TMTC2: variants seen among roughly 807,000 people sequenced by gnomAD.
TMTC2 encodes protein O-mannosyl-transferase TMTC2.
Under a neutral mutation model 82.4 loss-of-function variants are expected in TMTC2, and 43 were observed. The ratio of observed to expected loss-of-function variants is 0.52; its 90% CI spans 0.41 to 0.67. The LOEUF is 0.67. Among genes scored for constraint, TMTC2 ranks in the 30% least tolerant of loss-of-function variants. The pLI is 0.00. For missense variants in TMTC2, 919 were observed against 1,012.4 expected (o/e 0.91, Z 1.25); for synonymous variants, 408 against 381.9 (o/e 1.07, Z -0.80).
At chr12:82,735,516 T>G (rs1291860018) in intron 1 of TMTC2, among the ~76,000 whole-genome samples, 1 of 151,998 alleles carries the variant, frequency 6.6e-6, no homozygotes, top group African/African-American at 2.4e-5. Context: ...CGGCTAATTT[T>G]TTGTATTTTT....
Position 82,772,787 on chromosome 12 carries a change from A to AT in TMTC2, c.84-84219dup, listed in dbSNP as rs568343595. ...GCTACTTTCCCAAGAAAATTCTGTA[A>AT]TTTTACACCTATTTAAATTCTACGT... On this transcript the variant is annotated intron_variant, in intron 1 of 11. Transcript: ENST00000321196. 5.2e-3 allele frequency among the ~76,000 whole-genome samples: 794 copies of AT among 152,234 alleles called. 5 individuals are homozygous for AT. The highest frequency in any genetic ancestry group is 8.4e-3 in the Non-Finnish European group (569 of 68,006).
At chr12:83,009,468 C>G (rs953541256) in intron 8 of TMTC2, among the ~76,000 whole-genome samples, 1 of 152,112 alleles carries the variant, frequency 6.6e-6, no homozygotes, top group African/African-American at 2.4e-5. Flanking sequence ...AAGCAGGTCT[C>G]CACTATGATT....
At chr12:83,030,392 C>T (rs1011969514) in intron 8 of TMTC2, among the ~76,000 whole-genome samples, 2 of 151,728 alleles carry the variant, frequency 1.3e-5, no homozygotes, top group Admixed American at 1.3e-4. Context: ...TTTAAAATGG[C>T]CACAGTTCTT....
chr12:82,940,694 C>A (rs2137261735), intron 4 of TMTC2, among the ~76,000 whole-genome samples: 1 of 151,828 alleles, frequency 6.6e-6, no homozygotes, highest in South Asian at 2.1e-4. Flanking sequence ...CTTCTGACCT[C>A]TTTCCACCCC....
At chr12:83,067,610 T>C (rs572518035) in intron 11 of TMTC2, among the ~76,000 whole-genome samples, 9 of 152,036 alleles carry the variant, frequency 5.9e-5, no homozygotes, top group Admixed American at 1.3e-4. Flanking sequence ...TTTGGTTATC[T>C]GCTAATCCTG....
intron 11 of TMTC2, among the ~76,000 whole-genome samples, chr12:83,131,035 C>T (rs1189723864): frequency 6.6e-6 from 1 of 152,166 alleles, no homozygotes; most frequent in Non-Finnish European, 1.5e-5. Context: ...CACATGAATT[C>T]AGCTGAAAAG....
At chr12:83,004,884 G>C (rs1880100416) in intron 8 of TMTC2, among the ~76,000 whole-genome samples, 1 of 151,202 alleles carries the variant, frequency 6.6e-6, no homozygotes, top group Admixed American at 6.6e-5. Context: ...CAGCACTTTG[G>C]GAGGCCAAGG....
At chr12:82,799,879 A>G (rs1313751928) in intron 1 of TMTC2, among the ~76,000 whole-genome samples, 4 of 152,120 alleles carry the variant, frequency 2.6e-5, no homozygotes, top group African/African-American at 9.7e-5. Flanking sequence ...TTCATGGCAA[A>G]GCTTTCACCA....
intron 1 of TMTC2, among the ~76,000 whole-genome samples, chr12:82,710,992 A>T (rs964965180): frequency 2.0e-5 from 3 of 152,180 alleles, no homozygotes; most frequent in Admixed American, 6.5e-5. Context: ...GACAGATATT[A>T]TGTATTTTGG....
At chr12:82,765,693 A>G (rs1449093107) in intron 1 of TMTC2, among the ~76,000 whole-genome samples, 1 of 143,728 alleles carries the variant, frequency 7.0e-6, no homozygotes, top group Non-Finnish European at 1.5e-5. Flanking sequence ...AAAACAAAAC[A>G]AAACAAAACA....
intron 4 of TMTC2, among the ~76,000 whole-genome samples, chr12:82,933,740 G>T (rs1876167632): frequency 1.3e-5 from 2 of 152,088 alleles, no homozygotes; most frequent in Non-Finnish European, 2.9e-5. Context: ...CTTCTGTTAG[G>T]CCCTCAACAT....
intron 3 of TMTC2, among the ~76,000 whole-genome samples, chr12:82,918,525 T>A (rs971042875): frequency 6.6e-6 from 1 of 152,154 alleles, no homozygotes; most frequent in Admixed American, 6.5e-5. Flanking sequence ...AAATGAATTA[T>A]AGCTGAAGCA....
At chr12:82,981,691 C>T (rs1878925983) in intron 7 of TMTC2, among the ~76,000 whole-genome samples, 1 of 151,786 alleles carries the variant, frequency 6.6e-6, no homozygotes, top group East Asian at 1.9e-4. Flanking sequence ...ATTACGGTAC[C>T]AGAGAATATG....
intron 1 of TMTC2, among the ~76,000 whole-genome samples, chr12:82,829,044 A>G (rs1229792513): frequency 2.6e-5 from 4 of 152,220 alleles, no homozygotes; most frequent in African/African-American, 9.6e-5. Flanking sequence ...GCAGACTGAA[A>G]TAACTAATGA....
chr12:82,787,522 A>T (rs1212527078), intron 1 of TMTC2, among the ~76,000 whole-genome samples: 1 of 152,174 alleles, frequency 6.6e-6, no homozygotes, highest in African/African-American at 2.4e-5. Flanking sequence ...ATCTTTATCC[A>T]TTAAAATTAT....
intron 1 of TMTC2, among the ~76,000 whole-genome samples, chr12:82,747,288 A>G (rs1875742226): frequency 6.6e-6 from 1 of 152,256 alleles, no homozygotes; most frequent in Non-Finnish European, 1.5e-5. Context: ...TTTTAAATTT[A>G]CTACAAATAT....
At chr12:82,845,253 ATAT>A (rs1342603546) in intron 1 of TMTC2, among the ~76,000 whole-genome samples, 11 of 30,864 alleles carry the variant, frequency 3.6e-4, no homozygotes, top group African/African-American at 1.3e-3. Context: ...AAAAAAAAAA[ATAT>A]ATATATATAT....
At chr12:83,050,404 TG>T (rs1203649161) in intron 9 of TMTC2, among the ~76,000 whole-genome samples, 5 of 152,302 alleles carry the variant, frequency 3.3e-5, no homozygotes, top group African/African-American at 1.2e-4. Flanking sequence ...AAAGCTAACC[TG>T]AAAGTAATCT....
intron 1 of TMTC2, among the ~76,000 whole-genome samples, chr12:82,823,680 A>G (rs1263334387): frequency 6.6e-6 from 1 of 152,202 alleles, no homozygotes; most frequent in Non-Finnish European, 1.5e-5. Flanking sequence ...CTTAGTTCAG[A>G]TGTTGGTGGT....
Sources: gnomAD v4.1 joint callset for allele counts (sites outside exome capture counted in the v4.1 genomes callset) on GRCh38, gnomAD v4.1.1 for gene constraint, MANE v1.5 for transcripts, NCBI Gene and HGNC (gene_info 2026-07-23, HGNC 2026-07-21) for gene names.